The following SH3GL2 variants were observed in gnomAD, a reference collection of about 807,000 sequenced individuals.
SH3GL2 encodes the protein endophilin-A1.
A neutral mutation model predicts 46.0 loss-of-function variants in SH3GL2; 24 were observed. The observed-to-expected ratio is 0.52, with a 90% CI of 0.38 to 0.73. SH3GL2 has a LOEUF of 0.73. Among genes scored for constraint, SH3GL2 ranks in the 30% least tolerant of loss-of-function variants. The pLI is 0.00. For synonymous variants in SH3GL2, 196 were observed against 147.1 expected (o/e 1.33, Z -2.40); for missense variants, 413 against 424.2 (o/e 0.97, Z 0.23).
intron 1 of SH3GL2, among the ~76,000 whole-genome samples, chr9:17,669,982 A>G (rs1159656116): frequency 1.3e-5 from 2 of 152,174 alleles, no homozygotes; most frequent in African/African-American, 4.8e-5. Context: ...ATTTTTACAG[A>G]CAAGCTAGTG....
At chr9:17,793,074 T>C (rs1824179930) in intron 7 of SH3GL2, among the ~76,000 whole-genome samples, 1 of 152,202 alleles carries the variant, frequency 6.6e-6, no homozygotes, top group South Asian at 2.1e-4. Context: ...CATTTTTGTG[T>C]TCCTGGTACC....
At position 17,716,426 on chromosome 9, in the gene SH3GL2, A is replaced by G. The variant is rs549109120; in HGVS notation, c.46-30640A>G. On this transcript the variant is annotated intron_variant, in intron 1 of 8. Coordinates refer to ENST00000380607, the MANE Select transcript of SH3GL2 (RefSeq NM_003026.5). ...GGGACCAGAGCATCATTTGGTTTAT[A>G]GCTAAAGCGCCTTGCTTTGCGCTAC... Among the ~76,000 whole-genome samples, 9 of 152,228 alleles carry G rather than the reference A, an allele frequency of 5.9e-5. No individual in the cohort carries two copies. The South Asian group carries it at 1.9e-3, about 32-fold the overall frequency.
chr9:17,727,310 G>T (rs1047467497), intron 1 of SH3GL2, among the ~76,000 whole-genome samples: 1 of 152,272 alleles, frequency 6.6e-6, no homozygotes, highest in Non-Finnish European at 1.5e-5. Context: ...ACTATGTAAA[G>T]TGTGTAGGCT....
At chr9:17,794,552 T>G (rs1165575475) in intron 8 of SH3GL2, among the ~76,000 whole-genome samples, 2 of 152,166 alleles carry the variant, frequency 1.3e-5, no homozygotes, top group Non-Finnish European at 2.9e-5. Context: ...ATATTTCACT[T>G]TTCATCTGGA....
chr9:17,729,297 C>A (rs1183086508), intron 1 of SH3GL2, among the ~76,000 whole-genome samples: 5 of 145,030 alleles, frequency 3.4e-5, no homozygotes, highest in African/African-American at 1.4e-4. Context: ...ATCCTTCGCC[C>A]ACTTTTTGAT....
At chr9:17,722,257 C>T (rs1026496238) in intron 1 of SH3GL2, among the ~76,000 whole-genome samples, 1 of 151,988 alleles carries the variant, frequency 6.6e-6, no homozygotes, top group Non-Finnish European at 1.5e-5. Context: ...TTATGAAAAT[C>T]TTCTGTTTAG....
At chr9:17,744,719 A>T (rs1822630284) in intron 1 of SH3GL2, among the ~76,000 whole-genome samples, 1 of 152,146 alleles carries the variant, frequency 6.6e-6, no homozygotes, top group African/African-American at 2.4e-5. Flanking sequence ...CTAGTTTGCT[A>T]AAAACCCTTA....
At chr9:17,793,037 T>TTTG (rs1346240080) in intron 7 of SH3GL2, among the ~76,000 whole-genome samples, 1 of 152,214 alleles carries the variant, frequency 6.6e-6, no homozygotes, top group Non-Finnish European at 1.5e-5. Flanking sequence ...GCATTTATCC[T>TTTG]TTGTGTACAA....
At chr9:17,616,083 A>T (rs1399262987) in intron 1 of SH3GL2, among the ~76,000 whole-genome samples, 1 of 152,194 alleles carries the variant, frequency 6.6e-6, no homozygotes, top group Non-Finnish European at 1.5e-5. Context: ...AGTAAGGTGG[A>T]TTACTTACCC....
chr9:17,607,349 A>G (rs1005777518), intron 1 of SH3GL2, among the ~76,000 whole-genome samples: 3 of 152,364 alleles, frequency 2.0e-5, no homozygotes, highest in African/African-American at 7.2e-5. Context: ...TTAAATGTAG[A>G]AAAGATACAG....
chr9:17,680,544 T>C (rs1820740545), intron 1 of SH3GL2, among the ~76,000 whole-genome samples: 1 of 152,118 alleles, frequency 6.6e-6, no homozygotes, highest in African/African-American at 2.4e-5. Flanking sequence ...GTCTTCCTGG[T>C]GGTCTATCAA....
intron 1 of SH3GL2, among the ~76,000 whole-genome samples, chr9:17,602,805 C>A (rs190953450): frequency 6.6e-6 from 1 of 152,134 alleles, no homozygotes; most frequent in African/African-American, 2.4e-5. Context: ...CTGAAACATT[C>A]TCTTTTTAAT....
chr9:17,716,356 A>G (rs1302365950), intron 1 of SH3GL2, among the ~76,000 whole-genome samples: 1 of 152,074 alleles, frequency 6.6e-6, no homozygotes, highest in Non-Finnish European at 1.5e-5. Flanking sequence ...AATTACATGG[A>G]AACAGTTTTA....
chr9:17,694,604 CAG>C (rs1292167776), intron 1 of SH3GL2, among the ~76,000 whole-genome samples: 2 of 152,032 alleles, frequency 1.3e-5, no homozygotes, highest in Non-Finnish European at 2.9e-5. Flanking sequence ...GAGCTGAAGA[CAG>C]ACAGGGAAAA....
intron 3 of SH3GL2, among the ~76,000 whole-genome samples, chr9:17,773,314 G>C (rs1029559761): frequency 1.3e-5 from 2 of 151,974 alleles, no homozygotes. Context: ...CTTAACTTTC[G>C]TGAAGTCCAA....
intron 1 of SH3GL2, among the ~76,000 whole-genome samples, chr9:17,666,195 G>T (rs943330492): frequency 1.3e-5 from 2 of 151,746 alleles, no homozygotes; most frequent in Non-Finnish European, 2.9e-5. Flanking sequence ...AGTTACTTGG[G>T]ATAGTTCCTT....
At chr9:17,682,377 C>T (rs1282958992) in intron 1 of SH3GL2, among the ~76,000 whole-genome samples, 1 of 152,124 alleles carries the variant, frequency 6.6e-6, no homozygotes, top group Non-Finnish European at 1.5e-5. Flanking sequence ...TACTATGCAG[C>T]TATGTGAAGG....
Position 17,765,753 on chromosome 9 carries a change from G to C in SH3GL2, c.187+4244G>C, listed in dbSNP as rs927360835. Among the ~76,000 whole-genome samples the C allele has an allele frequency of 1.8e-4, 27 of 152,222 alleles. 1 individual carries two copies. The highest frequency in any genetic ancestry group is 1.3e-3 in the Admixed American group (20 of 15,286). ...CACTGTCCCTCTTGTAATCCCAGCT[G>C]CTTTTCAGTGGGGCACATGCCATAC... On this transcript the variant is annotated intron_variant, in intron 3 of 8. Coordinates refer to ENST00000380607, the MANE Select transcript of SH3GL2 (RefSeq NM_003026.5).
At chr9:17,787,169 GTAAC>G (rs919385184) in intron 4 of SH3GL2, among the ~76,000 whole-genome samples, 5 of 152,116 alleles carry the variant, frequency 3.3e-5, no homozygotes, top group Admixed American at 6.5e-5. Context: ...AAAGGAAAAA[GTAAC>G]TGTTCCATTC....
Sources: allele counts gnomAD v4.1 joint callset (sites outside exome capture counted in the v4.1 genomes callset), GRCh38; gene constraint gnomAD v4.1.1; transcripts MANE v1.5; gene names NCBI Gene and HGNC (gene_info 2026-07-23, HGNC 2026-07-21).